The following FBN2 variants were observed in gnomAD, a reference collection of about 807,000 sequenced individuals.
FBN2 encodes fibrillin 2.
FBN2 carries 105 observed loss-of-function variants against 355.6 expected under a neutral mutation model. The ratio of observed to expected loss-of-function variants is 0.30; its 90% CI spans 0.25 to 0.35. The LOEUF (loss-of-function observed/expected upper bound fraction) is 0.35, where lower values mean the gene tolerates loss of function less well. Ranked by LOEUF, FBN2 falls within the 10% of genes least tolerant of loss-of-function variation. The pLI is 1.00. For missense variants in FBN2, 3,280 were observed against 3,758.7 expected, an observed-to-expected ratio of 0.87 and a Z score of 3.33; for synonymous variants, 1,350 against 1,301.2, an observed-to-expected ratio of 1.04 and a Z score of -0.81.
chr5:128,336,812 G>A (rs2126899954), intron 27 of FBN2, among the ~76,000 whole-genome samples: 1 of 152,318 alleles, frequency 6.6e-6, no homozygotes, highest in East Asian at 1.9e-4. Context: ...ATGGCAGGGT[G>A]ATACACTTCC....
intron 6 of FBN2, among the ~76,000 whole-genome samples, chr5:128,460,181 G>C (rs1458686618): frequency 1.3e-5 from 2 of 152,094 alleles, no homozygotes; most frequent in Admixed American, 6.5e-5. Context: ...GACAAACAGA[G>C]AGTCAAATCA....
chr5:128,304,434 C>G (rs976514545), intron 45 of FBN2, among the ~76,000 whole-genome samples: 1 of 152,178 alleles, frequency 6.6e-6, no homozygotes, highest in South Asian at 2.1e-4. Flanking sequence ...AAGAGTTTGG[C>G]TATATTTGCT....
intron 53 of FBN2, 72 bp downstream of exon 53, chr5:128,288,366 A>G (rs773844359): frequency 4.6e-6 from 7 of 1,524,576 alleles, no homozygotes; most frequent in Non-Finnish European, 6.3e-6. Flanking sequence ...AAGCAATATA[A>G]ATAAATATTG....
At chr5:128,304,889 G>A in intron 45 of FBN2, 68 bp downstream of exon 45, 2 of 1,598,936 alleles carry the variant, frequency 1.3e-6, no homozygotes, top group Non-Finnish European at 1.7e-6. Context: ...CATGGCACTT[G>A]ATGGAACTGT....
At chr5:128,473,862 T>A (rs983412941) in intron 5 of FBN2, among the ~76,000 whole-genome samples, 1 of 152,224 alleles carries the variant, frequency 6.6e-6, no homozygotes, top group Non-Finnish European at 1.5e-5. Flanking sequence ...AAATGAGTAA[T>A]TACTTTAATT....
chr5:128,442,022 AT>A lies in FBN2; in HGVS notation c.952+4458del, dbSNP rs560220459. Reference sequence around the variant, plus strand: ...CTTTTCAGTTTAGTACAGAAAGTTTATTTTCCATGGTTTATCTAAGCAGAGT... The same window carrying A: ...CTTTTCAGTTTAGTACAGAAAGTTTATTTCCATGGTTTATCTAAGCAGAGT... On this transcript the variant is annotated intron_variant, in intron 7 of 64. Transcript: ENST00000262464. 2.1e-3 allele frequency: 410 copies of A among 194,470 alleles called. 3 individuals are homozygous for A. The highest frequency in any genetic ancestry group is 9.2e-3 in the African/African-American group (391 of 42,318). The allele number at this position is 194,470 out of a possible 1,614,324, so 12.0% of individuals were successfully genotyped here. A position where few individuals can be genotyped will look rare whatever the true frequency, so the allele number is the denominator to read the frequency against.
At chr5:128,417,203 T>C (rs532272729) in intron 7 of FBN2, among the ~76,000 whole-genome samples, 1 of 152,322 alleles carries the variant, frequency 6.6e-6, no homozygotes, top group South Asian at 2.1e-4. Context: ...CACTGATTTT[T>C]TTATCCTGAA....
chr5:128,519,838 G>C (rs1756382689), intron 4 of FBN2, among the ~76,000 whole-genome samples: 1 of 151,404 alleles, frequency 6.6e-6, no homozygotes, highest in Admixed American at 6.6e-5. Context: ...AAATGAAAAT[G>C]ATATGGCAAT....
intron 34 of FBN2, among the ~76,000 whole-genome samples, chr5:128,319,965 T>C (rs1020729026): frequency 6.6e-6 from 1 of 152,206 alleles, no homozygotes; most frequent in African/African-American, 2.4e-5. Context: ...CCTCAGACAG[T>C]TATATCTTAA....
At chr5:128,487,867 A>T (rs1341116800) in intron 5 of FBN2, among the ~76,000 whole-genome samples, 1 of 152,184 alleles carries the variant, frequency 6.6e-6, no homozygotes, top group East Asian at 1.9e-4. Flanking sequence ...ACATTACATC[A>T]TAACCCCTTA....
chr5:128,366,017 A>C (rs527814124), intron 17 of FBN2, among the ~76,000 whole-genome samples: 1 of 152,052 alleles, frequency 6.6e-6, no homozygotes, highest in African/African-American at 2.4e-5. Context: ...TTATTTTTCT[A>C]ACCCTATCTG....
At chr5:128,278,189 C>G (rs1365452924) in intron 57 of FBN2, among the ~76,000 whole-genome samples, 184 bp from the exon 58 acceptor site, 2 of 152,118 alleles carry the variant, frequency 1.3e-5, no homozygotes, top group Non-Finnish European at 2.9e-5. Flanking sequence ...AAAATAATCT[C>G]AAGTGATGGG....
chr5:128,476,247 A>G (rs887597164), intron 5 of FBN2, among the ~76,000 whole-genome samples: 25 of 152,220 alleles, frequency 1.6e-4, no homozygotes, highest in African/African-American at 6.0e-4. Flanking sequence ...ACCACAAAAT[A>G]TAATGCTTTA....
At chr5:128,350,824 A>C in intron 21 of FBN2, 44 bp downstream of exon 21, 1 of 1,607,840 alleles carries the variant, frequency 6.2e-7, no homozygotes, top group East Asian at 2.2e-5. Flanking sequence ...GTGGCAGGAG[A>C]AGTTTCCAAG....
At chr5:128,420,282 T>C (rs974920405) in intron 7 of FBN2, among the ~76,000 whole-genome samples, 3 of 152,200 alleles carry the variant, frequency 2.0e-5, no homozygotes, top group Non-Finnish European at 2.9e-5. Context: ...AGATCTTACT[T>C]ATTACATTCT....
chr5:128,504,363 A>C (rs1458294051), intron 5 of FBN2, among the ~76,000 whole-genome samples: 1 of 152,134 alleles, frequency 6.6e-6, no homozygotes. Context: ...ATTCACCAAC[A>C]ACAACTTGTA....
chr5:128,414,213 A>AT (rs1398410033), intron 7 of FBN2, among the ~76,000 whole-genome samples: 3 of 152,174 alleles, frequency 2.0e-5, no homozygotes, highest in East Asian at 3.8e-4. Context: ...TTGTGCAGCC[A>AT]TAACTACAAC....
At chr5:128,326,779 G>T (rs566995169) in intron 34 of FBN2, among the ~76,000 whole-genome samples, 22 of 152,232 alleles carry the variant, frequency 1.4e-4, no homozygotes, top group African/African-American at 4.8e-4. Flanking sequence ...AACTACAGGT[G>T]TGCCAACCCT....
At chr5:128,411,676 G>C (rs1248068415) in intron 7 of FBN2, among the ~76,000 whole-genome samples, 1 of 152,158 alleles carries the variant, frequency 6.6e-6, no homozygotes, top group Non-Finnish European at 1.5e-5. Flanking sequence ...GTGGGCCAGG[G>C]TGGTTTTGGA....
Sources: allele counts gnomAD v4.1 joint callset (sites outside exome capture counted in the v4.1 genomes callset), GRCh38; gene constraint gnomAD v4.1.1; transcripts MANE v1.5; gene names NCBI Gene and HGNC (gene_info 2026-07-23, HGNC 2026-07-21).